CTNNA3: variants seen among roughly 807,000 people sequenced by gnomAD.
CTNNA3 encodes the protein catenin alpha 3.
Under a neutral mutation model 95.7 loss-of-function variants are expected in CTNNA3, and 76 were observed. That is an observed-to-expected ratio of 0.79 (90% CI 0.66 to 0.96). The LOEUF (loss-of-function observed/expected upper bound fraction) is 0.96, where lower values mean the gene tolerates loss of function less well. Among genes scored for constraint, CTNNA3 ranks in the 40% least tolerant of loss-of-function variants. The pLI, the probability that CTNNA3 is intolerant of heterozygous loss-of-function variation, is 0.00. For synonymous variants in CTNNA3, 431 were observed against 374.4 expected (o/e 1.15, Z -1.74); for missense variants, 1,191 against 1,089.8 (o/e 1.09, Z -1.31).
intron 7 of CTNNA3, among the ~76,000 whole-genome samples, chr10:67,024,697 A>C (rs1225697962): frequency 6.6e-6 from 1 of 152,218 alleles, no homozygotes; most frequent in Non-Finnish European, 1.5e-5. Context: ...GATCTTGTTA[A>C]TGCTCAGATA....
At chr10:67,332,072 A>G (rs1176726252) in intron 5 of CTNNA3, among the ~76,000 whole-genome samples, 1 of 152,192 alleles carries the variant, frequency 6.6e-6, no homozygotes, top group Non-Finnish European at 1.5e-5. Context: ...TACTTATAGG[A>G]ATCTGTGTGA....
chr10:67,082,550 C>T (rs1178908769), intron 7 of CTNNA3, among the ~76,000 whole-genome samples: 1 of 152,152 alleles, frequency 6.6e-6, no homozygotes, highest in African/African-American at 2.4e-5. Flanking sequence ...CACTTTCTTT[C>T]CTACCAAATT....
chr10:66,176,635 T>A (rs112123746), intron 13 of CTNNA3, among the ~76,000 whole-genome samples: 278 of 152,042 alleles, frequency 1.8e-3, no homozygotes, highest in African/African-American at 6.2e-3. Context: ...TGAGAGTTGA[T>A]TAGGTCATGA....
Position 66,272,807 on chromosome 10 carries a change from C to T in CTNNA3, c.1884+7663G>A, listed in dbSNP as rs141172286. Among the ~76,000 whole-genome samples the T allele has an allele frequency of 5.2e-3, 793 of 152,224 alleles. 9 individuals are homozygous for T. Among genetic ancestry groups the T allele is most frequent in the African/African-American group, 0.019 (771 of 41,528 alleles). ...CAGACACAATTAATACTACACTGCC[C>T]CCAACCCCCTTATCCACAGGGGTTA... On this transcript the variant is annotated intron_variant, in intron 13 of 17. Transcript: ENST00000433211.
chr10:67,614,613 G>T (rs933923306), intron 2 of CTNNA3, among the ~76,000 whole-genome samples: 10 of 152,094 alleles, frequency 6.6e-5, no homozygotes, highest in African/African-American at 2.4e-4. Context: ...AAGCGATGGG[G>T]GTTGGCTGTA....
At chr10:66,646,438 T>C (rs1216798520) in intron 9 of CTNNA3, among the ~76,000 whole-genome samples, 1 of 152,126 alleles carries the variant, frequency 6.6e-6, no homozygotes, top group African/African-American at 2.4e-5. Flanking sequence ...AATTTTATTA[T>C]AATAGTGCTG....
intron 5 of CTNNA3, among the ~76,000 whole-genome samples, chr10:67,385,230 T>C (rs1416754865): frequency 2.0e-5 from 3 of 152,210 alleles, no homozygotes; most frequent in African/African-American, 4.8e-5. Flanking sequence ...GACCTCAGTA[T>C]AGAATAATGG....
chr10:66,386,123 G>C (rs12019536), intron 11 of CTNNA3, among the ~76,000 whole-genome samples: 1 of 152,052 alleles, frequency 6.6e-6, no homozygotes, highest in African/African-American at 2.4e-5. Context: ...AGAAATAAAG[G>C]GTATTCAGTT....
At chr10:66,050,115 C>G (rs750618684) in intron 15 of CTNNA3, among the ~76,000 whole-genome samples, 13 of 152,024 alleles carry the variant, frequency 8.6e-5, no homozygotes, top group Non-Finnish European at 1.8e-4. Flanking sequence ...TTCACATAGC[C>G]TACCCTGAGA....
At chr10:66,082,996 A>T (rs1419861746) in intron 14 of CTNNA3, among the ~76,000 whole-genome samples, 1 of 151,546 alleles carries the variant, frequency 6.6e-6, no homozygotes, top group Admixed American at 6.6e-5. Flanking sequence ...ATTTTCCTGA[A>T]GAAAAAGAGT....
chr10:66,094,167 A>G (rs1816768364), intron 14 of CTNNA3, among the ~76,000 whole-genome samples: 1 of 152,034 alleles, frequency 6.6e-6, no homozygotes, highest in African/African-American at 2.4e-5. Context: ...AAAGGGAAAG[A>G]GGGGGCAGCG....
chr10:67,560,460 C>T (rs1260702810), intron 3 of CTNNA3, among the ~76,000 whole-genome samples: 2 of 152,126 alleles, frequency 1.3e-5, no homozygotes, highest in African/African-American at 4.8e-5. Flanking sequence ...CACCAACAGG[C>T]CTGCCCTAAA....
chr10:66,567,322 G>A (rs181030051), intron 10 of CTNNA3, among the ~76,000 whole-genome samples: 10 of 152,046 alleles, frequency 6.6e-5, no homozygotes, highest in Admixed American at 1.3e-4. Context: ...ATAGTCTATC[G>A]AGACTTCATT....
At chr10:67,736,812 CT>C (rs1318983272) in intron 1 of CTNNA3, among the ~76,000 whole-genome samples, 5 of 151,996 alleles carry the variant, frequency 3.3e-5, no homozygotes, top group African/African-American at 7.2e-5. Flanking sequence ...CTTAAGAGGC[CT>C]GACATTTACA....
At chr10:67,576,921 T>C (rs1057015525) in intron 3 of CTNNA3, among the ~76,000 whole-genome samples, 2 of 122,652 alleles carry the variant, frequency 1.6e-5, no homozygotes, top group Non-Finnish European at 3.1e-5. Flanking sequence ...CCATGGTGTA[T>C]ATGTGCCACA....
At chr10:66,577,122 T>A (rs1420724472) in intron 10 of CTNNA3, among the ~76,000 whole-genome samples, 1 of 151,006 alleles carries the variant, frequency 6.6e-6, no homozygotes, top group African/African-American at 2.4e-5. Flanking sequence ...GCCACATGTA[T>A]GTCTTTTTTT....
chr10:67,580,538 C>A (rs1025328834), intron 3 of CTNNA3, among the ~76,000 whole-genome samples: 4 of 151,358 alleles, frequency 2.6e-5, no homozygotes, highest in Admixed American at 2.0e-4. Flanking sequence ...CTTGGCGATG[C>A]GGGCTCTTTT....
At chr10:66,084,807 A>G (rs569750235) in intron 14 of CTNNA3, 1 of 152,306 alleles carries the variant, frequency 6.6e-6, no homozygotes, top group South Asian at 2.1e-4. Flanking sequence ...GGCACGTTTC[A>G]ATGTTATATA....
chr10:66,759,615 T>C (rs1839522372), intron 9 of CTNNA3, among the ~76,000 whole-genome samples: 1 of 152,212 alleles, frequency 6.6e-6, no homozygotes, highest in Non-Finnish European at 1.5e-5. Flanking sequence ...TAAAGACATA[T>C]GTATTAAATT....
Sources: gnomAD v4.1 joint callset for allele counts (sites outside exome capture counted in the v4.1 genomes callset) on GRCh38, gnomAD v4.1.1 for gene constraint, MANE v1.5 for transcripts, NCBI Gene and HGNC (gene_info 2026-07-23, HGNC 2026-07-21) for gene names.